Variants in PRKAR1A observed in about 807,000 individuals in gnomAD.
The protein encoded by PRKAR1A is protein kinase cAMP-dependent type I regulatory subunit alpha.
A neutral mutation model predicts 52.0 loss-of-function variants in PRKAR1A; 3 were observed. The observed-to-expected ratio is 0.06, with a 90% CI of 0.03 to 0.15. The LOEUF is 0.15. Among genes scored for constraint, PRKAR1A ranks in the 10% least tolerant of loss-of-function variants. The probability of loss-of-function intolerance (pLI) is 1.00; values close to 1 mark genes in which losing one functional copy is unlikely to be tolerated. For synonymous variants in PRKAR1A, 188 were observed against 168.4 expected, an observed-to-expected ratio of 1.12 and a Z score of -0.90; for missense variants, 240 against 477.4, an observed-to-expected ratio of 0.50 and a Z score of 4.63.
At chr17:68,536,106 C>T (rs1373165038), downstream of PRKAR1A, 1 of 454,072 alleles carries the variant, frequency 2.2e-6, no homozygotes. Context: ...GGCAGCATAC[C>T]AGTCATGTGG....
chr17:68,532,711 T>C lies in PRKAR1A; in HGVS notation c.*2262T>C, dbSNP rs1042344581. 6.6e-6 allele frequency: 7 copies of C among 1,066,312 alleles called. No individual in the cohort carries two copies. In the South Asian group the frequency reaches 1.8e-4, roughly 28 times the overall value. The allele number at this position is 1,066,312 out of a possible 1,614,324, so 66.1% of individuals were successfully genotyped here. On this transcript the variant is annotated 3_prime_UTR_variant, in exon 11 of 11. Coordinates refer to ENST00000589228, the MANE Select transcript of PRKAR1A (RefSeq NM_002734.5). ...GTGTGCTAATATACTTTTTTTGTTA[T>C]AGATTGTCTTAATGGTAGGTCAAGT...
chr17:68,541,518 C>T (rs1169124849), intron 11 of PRKAR1A: 2 of 187,784 alleles, frequency 1.1e-5, no homozygotes, highest in African/African-American at 4.7e-5. Context: ...TTCACTCAGT[C>T]AGCTAGTGTG....
At position 68,532,182 on chromosome 17, in the gene PRKAR1A, G is replaced by A. The variant is rs566865014; in HGVS notation, c.*1733G>A. ...TGAGGGTTTCTGATCTGTACTTTGT[G>A]TTTAGCTACCTTTTTATATTTAAAA... On this transcript the variant is annotated 3_prime_UTR_variant, in exon 11 of 11. Coordinates refer to ENST00000589228, the MANE Select transcript of PRKAR1A (RefSeq NM_002734.5). The A allele has an allele frequency of 1.9e-6, 2 of 1,042,338 alleles. No individual in the cohort carries two copies. The highest frequency in any genetic ancestry group is 3.3e-5 in the African/African-American group (2 of 60,624). The allele number at this position is 1,042,338 out of a possible 1,614,324, so 64.6% of individuals were successfully genotyped here. A position where few individuals can be genotyped will look rare whatever the true frequency, so the allele number is the denominator to read the frequency against.
chr17:68,438,215 A>G, the PRKAR1A span, among the ~76,000 whole-genome samples: 1 of 151,454 alleles, frequency 6.6e-6, no homozygotes, highest in Non-Finnish European at 1.5e-5. Context: ...GAAGTGGCTG[A>G]GCCCCGGAAC....
chr17:68,541,178 A>C, intron 11 of PRKAR1A: 1 of 574,168 alleles, frequency 1.7e-6, no homozygotes, highest in Non-Finnish European at 3.0e-6. Context: ...GTGGACACTA[A>C]ACCCATGGTT....
chr17:68,433,344 G>T, the PRKAR1A span: 2 of 929,330 alleles, frequency 2.2e-6, no homozygotes, highest in Non-Finnish European at 3.3e-6. Context: ...CATCACTTAG[G>T]TGAAGTCCCA....
At chr17:68,523,255 A>G (rs939035067) in intron 3 of PRKAR1A, among the ~76,000 whole-genome samples, 2 of 151,950 alleles carry the variant, frequency 1.3e-5, no homozygotes, top group Non-Finnish European at 2.9e-5. Context: ...GTGGCTTTTA[A>G]CCTTTTATTC....
downstream of PRKAR1A, chr17:68,537,759 C>T (rs1475377034): frequency 1.2e-6 from 2 of 1,603,504 alleles, no homozygotes; most frequent in Non-Finnish European, 1.7e-6. The surrounding 1 kb of genome is among the most constrained non-coding windows in gnomAD (Gnocchi z 4.2). Flanking sequence ...GACAAAGTTA[C>T]AGGAACCAAA....
intron 2 of PRKAR1A, among the ~76,000 whole-genome samples, chr17:68,519,800 G>C (rs2085547199): frequency 6.6e-6 from 1 of 152,192 alleles, no homozygotes; most frequent in African/African-American, 2.4e-5. Flanking sequence ...TAAAATAACA[G>C]TGACCTTGTG....
chr17:68,550,189 A>G (rs1180941216), intron 11 of PRKAR1A, among the ~76,000 whole-genome samples: 3 of 152,104 alleles, frequency 2.0e-5, no homozygotes, highest in African/African-American at 7.2e-5. Flanking sequence ...TGACAAGTAA[A>G]ATCTACAGTG....
the PRKAR1A span, among the ~76,000 whole-genome samples, chr17:68,481,330 T>C: frequency 6.6e-6 from 1 of 152,346 alleles, no homozygotes; most frequent in East Asian, 1.9e-4. Flanking sequence ...ATTTCTACTA[T>C]TATTACATGT....
chr17:68,467,055 G>A, the PRKAR1A span, among the ~76,000 whole-genome samples: 7 of 152,292 alleles, frequency 4.6e-5, no homozygotes, highest in East Asian at 1.9e-4. Flanking sequence ...TTAGCAGAAT[G>A]TTTTCAAGGT....
At chr17:68,454,456 C>T in the PRKAR1A span, among the ~76,000 whole-genome samples, 2 of 152,176 alleles carry the variant, frequency 1.3e-5, no homozygotes, top group Non-Finnish European at 2.9e-5. Context: ...CCCTGGGACA[C>T]AGGGATAGGG....
At chr17:68,521,466 A>G (rs1600475730) in intron 2 of PRKAR1A, among the ~76,000 whole-genome samples, 1 of 152,070 alleles carries the variant, frequency 6.6e-6, no homozygotes, top group Admixed American at 6.6e-5. Flanking sequence ...CCTGGACTCA[A>G]GTGATCTGCC....
chr17:68,531,349 C>A lies in PRKAR1A; in HGVS notation c.*900C>A. The A allele has an allele frequency of 6.6e-6, 7 of 1,065,880 alleles. No individual in the cohort carries two copies. Among genetic ancestry groups the A allele is most frequent in the Non-Finnish European group, 8.0e-6 (7 of 879,520 alleles). 66.0% of individuals were successfully genotyped at this position (1,065,880 alleles called of 1,614,324 possible). On this transcript the variant is annotated 3_prime_UTR_variant, in exon 11 of 11. Coordinates refer to ENST00000589228, the MANE Select transcript of PRKAR1A (RefSeq NM_002734.5). ...GTTAAAGTATGTCCTTCAGCTGACT[C>A]CAGTATAATCTCCTCTGCTCATTAA...
the PRKAR1A span, among the ~76,000 whole-genome samples, chr17:68,438,085 A>G: frequency 1.3e-4 from 20 of 152,184 alleles, no homozygotes; most frequent in East Asian, 1.5e-3. Flanking sequence ...GAGGAAGGAG[A>G]GCAAAGGAAA....
At chr17:68,480,078 G>A in the PRKAR1A span, among the ~76,000 whole-genome samples, 1 of 152,152 alleles carries the variant, frequency 6.6e-6, no homozygotes, top group African/African-American at 2.4e-5. Context: ...TGAGATTTGG[G>A]TGAGGACACA....
downstream of PRKAR1A, chr17:68,535,842 A>G: frequency 2.2e-6 from 1 of 453,728 alleles, no homozygotes; most frequent in African/African-American, 2.0e-5. Flanking sequence ...TGACTTCATA[A>G]ATTGGGTGGG....
chr17:68,529,853 A>T, intron 9 of PRKAR1A, 67 bp from the exon 10 acceptor site: 1 of 1,434,698 alleles, frequency 7.0e-7, no homozygotes, highest in Non-Finnish European at 9.8e-7. Flanking sequence ...ATTGCATAGG[A>T]TGTTTAAGGT....
Sources: allele counts gnomAD v4.1 joint callset (sites outside exome capture counted in the v4.1 genomes callset), GRCh38; gene constraint gnomAD v4.1.1; non-coding constraint Gnocchi (gnomAD v3.1); transcripts MANE v1.5; gene names NCBI Gene and HGNC (gene_info 2026-07-23, HGNC 2026-07-21).